TET2: variants seen among roughly 807,000 people sequenced by gnomAD.
TET2 encodes methylcytosine dioxygenase TET2.
A neutral mutation model predicts 142.9 loss-of-function variants in TET2; 299 were observed. The observed-to-expected ratio is 2.09, with a 90% CI of 1.90 to 2.30. TET2 has a LOEUF of 2.30. TET2 is among the 30% of genes most tolerant of loss of function. TET2 has a pLI of 0.00. For synonymous variants in TET2, 819 were observed against 849.0 expected (o/e 0.96, Z 0.61); for missense variants, 2,418 against 2,378.0 (o/e 1.02, Z -0.35).
chr4:105,259,946 G>A (rs759576939), intron 7 of TET2, among the ~76,000 whole-genome samples, 177 bp downstream of exon 7: 2 of 152,132 alleles, frequency 1.3e-5, no homozygotes, highest in African/African-American at 4.8e-5. Flanking sequence ...CAAAATAATA[G>A]ATAAAATTTG....
chr4:105,266,315 T>C (rs1421975306), intron 8 of TET2, among the ~76,000 whole-genome samples: 2 of 152,030 alleles, frequency 1.3e-5, no homozygotes, highest in Non-Finnish European at 2.9e-5. Context: ...AAACTGATTC[T>C]AAGTAATTTA....
At chr4:105,273,939 G>A (rs1731080295) in intron 10 of TET2, among the ~76,000 whole-genome samples, 1 of 152,146 alleles carries the variant, frequency 6.6e-6, no homozygotes, top group Non-Finnish European at 1.5e-5. Context: ...ATTTGGGATG[G>A]TATTGGCCTG....
At chr4:105,267,184 GACAT>G (rs1730721798) in intron 8 of TET2, among the ~76,000 whole-genome samples, 1 of 151,544 alleles carries the variant, frequency 6.6e-6, no homozygotes. Context: ...TATTTTTTCA[GACAT>G]ACATACAAAA....
At chr4:105,157,547 G>A (rs563824854) in intron 1 of TET2, among the ~76,000 whole-genome samples, 14 of 152,318 alleles carry the variant, frequency 9.2e-5, no homozygotes, top group Middle Eastern at 3.4e-3. Flanking sequence ...CTGGCAGAAA[G>A]CAAAGCTAAT....
chr4:105,240,261 T>TA, intron 3 of TET2: 1 of 868,598 alleles, frequency 1.2e-6, no homozygotes, highest in Non-Finnish European at 1.4e-6. Context: ...CTTCAGTTTG[T>TA]AAAAGTCACA....
intron 1 of TET2, among the ~76,000 whole-genome samples, chr4:105,156,858 T>C (rs1387418951): frequency 6.6e-6 from 1 of 152,192 alleles, no homozygotes; most frequent in Non-Finnish European, 1.5e-5. Context: ...TAACATACTG[T>C]CCTGGTCTTA....
chr4:105,227,487 A>G (rs533793976), intron 2 of TET2, among the ~76,000 whole-genome samples: 3 of 148,124 alleles, frequency 2.0e-5, no homozygotes, highest in Non-Finnish European at 2.9e-5. Context: ...GTGAATTACA[A>G]TGTGTAGACC....
chr4:105,149,130 G>A (rs1723178800), intron 1 of TET2, among the ~76,000 whole-genome samples: 1 of 152,108 alleles, frequency 6.6e-6, no homozygotes, highest in Admixed American at 6.5e-5. Context: ...AATTATTCCA[G>A]CAATTCAGAA....
At chr4:105,226,133 A>C (rs1312970811) in intron 2 of TET2, among the ~76,000 whole-genome samples, 1 of 152,074 alleles carries the variant, frequency 6.6e-6, no homozygotes, top group Admixed American at 6.6e-5. Context: ...CTAAATGTGA[A>C]TTTAATAACA....
At chr4:105,198,317 C>T (rs1303915607) in intron 2 of TET2, among the ~76,000 whole-genome samples, 1 of 152,000 alleles carries the variant, frequency 6.6e-6, no homozygotes, top group Non-Finnish European at 1.5e-5. Context: ...GCCTGAGCAA[C>T]AAGAGTGAAA....
chr4:105,166,459 A>G (rs1724153982), intron 1 of TET2, among the ~76,000 whole-genome samples: 1 of 152,062 alleles, frequency 6.6e-6, no homozygotes, highest in African/African-American at 2.4e-5. Flanking sequence ...CATTTGATGA[A>G]TGAAATACAC....
Position 105,236,022 on chromosome 4 carries a change from C to T in TET2, c.2080C>T (p.Leu694Phe). 1.9e-6 allele frequency: 3 copies of T among 1,614,136 alleles called. No homozygotes were observed. Among genetic ancestry groups the T allele is most frequent in the Non-Finnish European group, 2.5e-6 (3 of 1,180,018 alleles). The change falls in exon 3 of 11, where the codon CTT becomes TTT. Residue 694 changes from leucine (L) to phenylalanine (F), a missense_variant. Transcript: ENST00000380013. ...AAGAGCAGATTCCCAAACTGAAAAACTTATGTCCCCAGTGTTGAAACAGCA... is the reference window on the plus strand; with the variant it reads ...AAGAGCAGATTCCCAAACTGAAAAATTTATGTCCCCAGTGTTGAAACAGCA... ...QQRADSQTEK[L>F]MSPVLKQHLN...
chr4:105,253,194 A>C (rs893630214), intron 6 of TET2, among the ~76,000 whole-genome samples: 3 of 152,136 alleles, frequency 2.0e-5, no homozygotes, highest in African/African-American at 7.2e-5. Flanking sequence ...CTCTTGATAT[A>C]AACTTTAAAA....
chr4:105,160,603 T>G (rs531288757), intron 1 of TET2, among the ~76,000 whole-genome samples: 1 of 152,364 alleles, frequency 6.6e-6, no homozygotes, highest in Admixed American at 6.5e-5. Flanking sequence ...TTTGACTGCT[T>G]CTTTCATAGA....
intron 6 of TET2, among the ~76,000 whole-genome samples, chr4:105,258,694 G>T (rs1730265392): frequency 6.6e-6 from 1 of 151,784 alleles, no homozygotes; most frequent in Non-Finnish European, 1.5e-5. Context: ...GAAATTCTTG[G>T]TTTTTGATAT....
chr4:105,146,741 G>C (rs1052005973), upstream of TET2: 1 of 151,998 alleles, frequency 6.6e-6, no homozygotes, highest in Non-Finnish European at 1.5e-5. Flanking sequence ...CGAGCGCCGC[G>C]CGCCCGGGTC....
intron 1 of TET2, among the ~76,000 whole-genome samples, chr4:105,183,025 C>T (rs1725211624): frequency 6.6e-6 from 1 of 151,978 alleles, no homozygotes; most frequent in African/African-American, 2.4e-5. Flanking sequence ...AATACTTATC[C>T]CCCCAAAATA....
chr4:105,251,834 C>T (rs1729883583), intron 6 of TET2, among the ~76,000 whole-genome samples: 1 of 152,026 alleles, frequency 6.6e-6, no homozygotes, highest in Admixed American at 6.6e-5. Flanking sequence ...ATTCTCTACC[C>T]CTGGGCTTTC....
At chr4:105,207,281 A>C (rs970443307) in intron 2 of TET2, among the ~76,000 whole-genome samples, 5 of 152,204 alleles carry the variant, frequency 3.3e-5, no homozygotes, top group African/African-American at 1.2e-4. Context: ...TTTCACAAGA[A>C]ATTGCTTTAG....
Sources: allele counts gnomAD v4.1 joint callset (sites outside exome capture counted in the v4.1 genomes callset), GRCh38; gene constraint gnomAD v4.1.1; transcripts MANE v1.5; gene names NCBI Gene and HGNC (gene_info 2026-07-23, HGNC 2026-07-21).